The following HACL1 variants were observed in gnomAD, a reference collection of about 807,000 sequenced individuals.
HACL1 encodes the protein 2-hydroxyacyl-CoA lyase 1.
HACL1 carries 64 observed loss-of-function variants against 74.2 expected under a neutral mutation model. The observed-to-expected ratio is 0.86, with a 90% CI of 0.70 to 1.06. The LOEUF (loss-of-function observed/expected upper bound fraction) is 1.06, where lower values mean the gene tolerates loss of function less well. Among genes scored for constraint, HACL1 ranks in the 50% least tolerant of loss-of-function variants. HACL1 has a pLI of 0.00. For synonymous variants in HACL1, 230 were observed against 238.8 expected, an observed-to-expected ratio of 0.96 and a Z score of 0.34; for missense variants, 728 against 719.7, an observed-to-expected ratio of 1.01 and a Z score of -0.13.
chr3:15,577,014 T>C (rs2063638100), intron 9 of HACL1, among the ~76,000 whole-genome samples: 1 of 152,230 alleles, frequency 6.6e-6, no homozygotes, highest in African/African-American at 2.4e-5. Flanking sequence ...GTAATGTCAT[T>C]AATATTATCC....
rs571526662 is a variant in HACL1 at position 15,592,265 on chromosome 3, T to C, written c.228-585A>G. Among the ~76,000 whole-genome samples the C allele has an allele frequency of 1.5e-4, 22 of 148,370 alleles. 1 individual carries two copies. The highest frequency in any genetic ancestry group is 5.1e-4 in the African/African-American group (21 of 40,990). ...ATACATACGTGTATATATGGATCCATATATACGTATACATACGTGTATATG... is the reference window on the plus strand; with the variant it reads ...ATACATACGTGTATATATGGATCCACATATACGTATACATACGTGTATATG... On this transcript the variant is annotated intron_variant, in intron 3 of 16. Coordinates refer to ENST00000321169, the MANE Select transcript of HACL1 (RefSeq NM_012260.4).
chr3:15,563,972 A>C (rs1211527365), intron 15 of HACL1, among the ~76,000 whole-genome samples: 1 of 152,176 alleles, frequency 6.6e-6, no homozygotes, highest in Non-Finnish European at 1.5e-5. Context: ...GAAGAAAAAC[A>C]TGAAAAAAAA....
intron 1 of HACL1, 41 bp downstream of exon 1, chr3:15,601,342 G>A (rs994805529): frequency 6.2e-7 from 1 of 1,612,258 alleles, no homozygotes; most frequent in Non-Finnish European, 8.5e-7. Context: ...GTCCCCGCCA[G>A]CTTCCGTAGG....
At chr3:15,561,339 G>C (rs1021868387) in intron 16 of HACL1, among the ~76,000 whole-genome samples, 3 of 152,164 alleles carry the variant, frequency 2.0e-5, no homozygotes, top group African/African-American at 7.2e-5. Context: ...TATTGAGGCA[G>C]GAAGTGGCCA....
At chr3:15,585,127 TAATC>T in intron 7 of HACL1, 117 bp downstream of exon 7, 2 of 539,030 alleles carry the variant, frequency 3.7e-6, no homozygotes, top group Non-Finnish European at 3.4e-6. Context: ...AATTACTAAA[TAATC>T]AAGTTAAGAC....
In HACL1 at chr3:15,596,416, A is replaced by T. The variant is rs753271264; in HGVS notation, c.195T>A (p.Tyr65Ter). The T allele has an allele frequency of 1.9e-6, 3 of 1,598,958 alleles. No homozygotes were observed. The highest frequency in any genetic ancestry group is 2.6e-6 in the Non-Finnish European group (3 of 1,166,250). The change falls in exon 3 of 17, where the codon TAT (tyrosine) becomes TAA (stop). Residue 65 changes from tyrosine (Y) to a stop codon, truncating the protein, a stop_gained. Transcript: ENST00000321169. LOFTEE classifies it high-confidence loss of function. ...TCAGATATCCAATCGCGGAGGCAGC[A>T]TAACAAGCCTACGAGAAAACAACAC... ...IGMRNEQAAC[Y>*]AASAIGYLTS...
intron 14 of HACL1, among the ~76,000 whole-genome samples, chr3:15,565,004 A>C (rs1394716602): frequency 1.3e-5 from 2 of 152,056 alleles, no homozygotes; most frequent in Non-Finnish European, 2.9e-5. Context: ...GTCTCTACTA[A>C]AAATACAAAA....
At chr3:15,592,005 TATACGTATATATACACACACTAC>T (rs1227941743) in intron 3 of HACL1, among the ~76,000 whole-genome samples, 2 of 147,980 alleles carry the variant, frequency 1.4e-5, no homozygotes, top group African/African-American at 5.0e-5. Context: ...GTATATACTA[TATACGTATATATACACACACTAC>T]ATACGTATAT....
chr3:15,571,663 T>A lies in HACL1; in HGVS notation c.1095+5A>T. The A allele has an allele frequency of 7.7e-7, 1 of 1,296,444 alleles. No homozygotes were observed. Among genetic ancestry groups the A allele is most frequent in the South Asian group, 1.2e-5 (1 of 84,482 alleles). 80.3% of individuals were successfully genotyped at this position (1,296,444 alleles called of 1,614,324 possible). ...GTTATTGAGCGTCAGTAGGTCCGAT[T>A]TTACCTTGGATGCAGCTTCATTGCT... On this transcript the variant is annotated splice_donor_5th_base_variant and intron_variant, in intron 12 of 16. Transcript: ENST00000321169.
chr3:15,596,737 A>G (rs771655864), intron 2 of HACL1, among the ~76,000 whole-genome samples: 3 of 152,040 alleles, frequency 2.0e-5, no homozygotes, highest in Non-Finnish European at 2.9e-5. Flanking sequence ...TTTATTCTTC[A>G]TCAGTCTCAT....
intron 12 of HACL1, among the ~76,000 whole-genome samples, chr3:15,570,235 T>C (rs1177347276): frequency 6.6e-6 from 1 of 151,496 alleles, no homozygotes; most frequent in African/African-American, 2.4e-5. Context: ...CTTGGGAGGC[T>C]GATGCAGGAG....
Position 15,568,469 on chromosome 3 carries a change from C to A in HACL1, c.1213G>T (p.Gly405Ter), listed in dbSNP as rs772218005. 3.7e-6 allele frequency: 6 copies of A among 1,607,002 alleles called. No individual in the cohort carries two copies. In the Admixed American group the frequency reaches 6.7e-5, roughly 18 times the overall value. The change falls in exon 13 of 17, where the codon GGA becomes TGA. Residue 405 changes from glycine (G) to a stop codon, truncating the protein, a stop_gained. Transcript: ENST00000321169. LOFTEE classifies it high-confidence loss of function. ...VSEGANTMDI[G>*]RTVLQNYLPR... is the part of the protein sequence containing the mutation. The stretch of plus-strand genomic sequence containing the variant: ...AGGTAGTTCTGAAGCACAGTCCGTC[C>A]AATGTCCATAGTATTTGCTCCTTCA...
At chr3:15,576,401 T>C (rs2125247843) in intron 9 of HACL1, among the ~76,000 whole-genome samples, 1 of 152,222 alleles carries the variant, frequency 6.6e-6, no homozygotes, top group East Asian at 1.9e-4. Context: ...AGAATTGCTT[T>C]CTAAAATATT....
At chr3:15,585,849 A>T (rs1037238252) in intron 6 of HACL1, among the ~76,000 whole-genome samples, 2 of 152,196 alleles carry the variant, frequency 1.3e-5, no homozygotes, top group Non-Finnish European at 2.9e-5. Context: ...TGTGAAACTT[A>T]GTGTGTGCCA....
intron 10 of HACL1, among the ~76,000 whole-genome samples, chr3:15,573,457 A>G (rs2063571603): frequency 6.6e-6 from 1 of 152,258 alleles, no homozygotes; most frequent in African/African-American, 2.4e-5. Context: ...TCATTTAAAA[A>G]TCTACTCTAT....
intron 5 of HACL1, among the ~76,000 whole-genome samples, 192 bp from the exon 6 acceptor site, chr3:15,586,794 C>G (rs2063802419): frequency 6.6e-6 from 1 of 152,108 alleles, no homozygotes; most frequent in Non-Finnish European, 1.5e-5. Flanking sequence ...GGAAGCGTAT[C>G]ATACCAAAGA....
chr3:15,591,859 G>A (rs1033688175), intron 3 of HACL1, among the ~76,000 whole-genome samples, 179 bp from the exon 4 acceptor site: 3 of 149,684 alleles, frequency 2.0e-5, no homozygotes, highest in Non-Finnish European at 4.4e-5. Flanking sequence ...TATATATATC[G>A]CGATATATAT....
rs148224230 is a variant in HACL1 at position 15,593,048 on chromosome 3, AGAGT to A, written c.228-1372_228-1369del. ...CATATGTACATATATACTCTGGGCA[AGAGT>A]GAGATGCTATCTCAAAAAAAGTGTA... On this transcript the variant is annotated intron_variant, in intron 3 of 16. Transcript: ENST00000321169. Among the ~76,000 whole-genome samples, 50 of 139,330 alleles carry A rather than the reference AGAGT, an allele frequency of 3.6e-4. 13 individuals carry two copies. The highest frequency in any genetic ancestry group is 1.2e-3 in the African/African-American group (40 of 32,402). 91.4% of individuals were successfully genotyped at this position (139,330 alleles called of 152,430 possible).
intron 16 of HACL1, among the ~76,000 whole-genome samples, chr3:15,562,245 C>T (rs933645103): frequency 1.3e-5 from 2 of 152,026 alleles, no homozygotes; most frequent in Non-Finnish European, 2.9e-5. Context: ...AGTGGCAGAC[C>T]CTCCCTTAAA....
Sources: gnomAD v4.1 joint callset for allele counts (sites outside exome capture counted in the v4.1 genomes callset) on GRCh38, gnomAD v4.1.1 for gene constraint, MANE v1.5 for transcripts, NCBI Gene and HGNC (gene_info 2026-07-23, HGNC 2026-07-21) for gene names.